CASP4: variants seen among roughly 807,000 people sequenced by gnomAD.
CASP4 encodes the protein caspase 4.
CASP4 carries 29 observed loss-of-function variants against 41.3 expected under a neutral mutation model. That is an observed-to-expected ratio of 0.70 (90% CI 0.52 to 0.96). The LOEUF is 0.96. Ranked by LOEUF, CASP4 falls within the 40% of genes least tolerant of loss-of-function variation. The probability of loss-of-function intolerance (pLI) is 0.00; values close to 1 mark genes in which losing one functional copy is unlikely to be tolerated. For missense variants in CASP4, 447 were observed against 460.6 expected (o/e 0.97, Z 0.27); for synonymous variants, 185 against 158.4 (o/e 1.17, Z -1.26).
intron 1 of CASP4, among the ~76,000 whole-genome samples, chr11:104,964,271 G>A (rs1860925301): frequency 2.0e-5 from 3 of 152,122 alleles, no homozygotes; most frequent in Admixed American, 2.0e-4. Context: ...TATTGGAATA[G>A]AGGAAAAAAA....
At chr11:104,961,851 A>G (rs1860867892) in intron 1 of CASP4, among the ~76,000 whole-genome samples, 1 of 152,162 alleles carries the variant, frequency 6.6e-6, no homozygotes, top group African/African-American at 2.4e-5. Flanking sequence ...GTTACATTCG[A>G]TGAGCCCTGG....
chr11:104,944,504 A>G (rs1198123640), intron 8 of CASP4: 2 of 434,192 alleles, frequency 4.6e-6, no homozygotes, highest in Admixed American at 4.0e-5. Flanking sequence ...GTTTTTCATC[A>G]TCACATTCTG....
intron 1 of CASP4, among the ~76,000 whole-genome samples, chr11:104,960,843 G>A (rs1050990013): frequency 6.6e-6 from 1 of 152,002 alleles, no homozygotes; most frequent in African/African-American, 2.4e-5. Flanking sequence ...TAGAATTTAT[G>A]CTCTGTGAGG....
intron 1 of CASP4, among the ~76,000 whole-genome samples, chr11:104,965,769 G>A (rs1860960766): frequency 2.6e-5 from 4 of 152,206 alleles, no homozygotes; most frequent in Admixed American, 2.6e-4. Context: ...GGGACATGCA[G>A]CCTCTGGCTC....
rs564962955 is a variant in CASP4 at position 104,959,532 on chromosome 11, A to C, written c.8-4531T>G. Reference sequence around the variant, plus strand: ...CATCCATTATATGCTTAAAAGAATAAATAAATCATTCTCAAATTTATGGAT... The same window carrying C: ...CATCCATTATATGCTTAAAAGAATACATAAATCATTCTCAAATTTATGGAT... On this transcript the variant is annotated intron_variant, in intron 1 of 8. Transcript: ENST00000444739. Among the ~76,000 whole-genome samples, 754 of 152,328 alleles carry C rather than the reference A, an allele frequency of 4.9e-3. 5 individuals are homozygous for C. Among genetic ancestry groups the C allele is most frequent in the African/African-American group, 0.016 (673 of 41,576 alleles).
chr11:104,951,861 TC>T (rs752556654), intron 3 of CASP4, 34 bp downstream of exon 3: 1 of 1,366,672 alleles, frequency 7.3e-7, no homozygotes, highest in East Asian at 2.3e-5. Flanking sequence ...TGATATCTCT[TC>T]TTTTTTTTCT....
Position 104,947,140 on chromosome 11 carries a change from G to A in CASP4, c.978C>T (p.Leu326=). The change falls in exon 7 of 9, where the codon CTC becomes CTT. Residue 326 remains leucine, a synonymous_variant. Transcript: ENST00000444739. ...AAGAATATTTCTGGAAGCATGTGATGAGTTGTGTGATGAAGATAGAGCCCA... is the reference window on the plus strand; with the variant it reads ...AAGAATATTTCTGGAAGCATGTGATAAGTTGTGTGATGAAGATAGAGCCCA... ...STMGSIFITQ[L]ITCFQKYSWC... 1 of 1,613,146 alleles carries A rather than the reference G, an allele frequency of 6.2e-7. No homozygotes were observed. Among genetic ancestry groups the A allele is most frequent in the Non-Finnish European group, 8.5e-7 (1 of 1,179,278 alleles).
In CASP4 at chr11:104,949,533, C is replaced by G; in HGVS notation, c.781+10G>C. The G allele has an allele frequency of 6.2e-7, 1 of 1,613,284 alleles. No homozygotes were observed. The highest frequency in any genetic ancestry group is 8.5e-7 in the Non-Finnish European group (1 of 1,179,298). The stretch of plus-strand genomic sequence containing the variant: ...TTCATAACTGTTAGATGTTCAGTCT[C>G]AGCACTCACCACCTCTGCAGGCCTG... On this transcript the variant is annotated intron_variant, in intron 5 of 8. Coordinates refer to ENST00000444739, the MANE Select transcript of CASP4 (RefSeq NM_001225.4).
At position 104,948,609 on chromosome 11, in the gene CASP4, A is replaced by C. The variant is rs1477367513; in HGVS notation, c.849T>G (p.Ser283=). The C allele has an allele frequency of 1.2e-6, 2 of 1,611,540 alleles. No individual in the cohort carries two copies. The highest frequency in any genetic ancestry group is 1.7e-6 in the Non-Finnish European group (2 of 1,178,478). ...AAACAGCATCTTCCTCTAGGTTCTC[A>C]GATGACTGTGAAGAGGCCACTTCCA... is the stretch of plus-strand genomic sequence containing the variant. ...ASLEVASSQS[S]ENLEEDAVYK... is the part of the protein sequence containing the mutation. Residue 283 remains serine, a synonymous_variant, in exon 6 of 9, where the codon TCT becomes TCG. Transcript: ENST00000444739.
chr11:104,948,700 A>C (rs761694535), intron 5 of CASP4, 24 bp from the exon 6 acceptor site: 5 of 1,568,990 alleles, frequency 3.2e-6, no homozygotes, highest in Non-Finnish European at 4.3e-6. Flanking sequence ...AACTTTCTGC[A>C]CACTGCTGTG....
chr11:104,945,493 T>C (rs1008358244), intron 7 of CASP4, among the ~76,000 whole-genome samples: 2 of 152,028 alleles, frequency 1.3e-5, no homozygotes, highest in Non-Finnish European at 2.9e-5. Flanking sequence ...CCTGACCTCA[T>C]GATCCTCCTG....
At chr11:104,944,033 G>A (rs1446230748) in intron 8 of CASP4, 1 of 152,038 alleles carries the variant, frequency 6.6e-6, no homozygotes, top group Non-Finnish European at 1.5e-5. Flanking sequence ...TAATATTTTG[G>A]TCAAAATAAT....
chr11:104,943,952 T>C (rs1860386914), intron 8 of CASP4: 1 of 152,226 alleles, frequency 6.6e-6, no homozygotes, highest in South Asian at 2.1e-4. Context: ...AGTCTTATAG[T>C]CTAGTGTTAA....
At chr11:104,959,726 C>T (rs1268539077) in intron 1 of CASP4, among the ~76,000 whole-genome samples, 1 of 152,074 alleles carries the variant, frequency 6.6e-6, no homozygotes, top group Non-Finnish European at 1.5e-5. Context: ...AATACCTATA[C>T]TCCAAGTACA....
At chr11:104,947,224 T>G in intron 6 of CASP4, 32 bp from the exon 7 acceptor site, 1 of 1,275,718 alleles carries the variant, frequency 7.8e-7, no homozygotes, top group East Asian at 2.4e-5. Context: ...TGCCTTGGGC[T>G]ATGACTTTCA....
At chr11:104,959,689 C>T (rs1860815249) in intron 1 of CASP4, among the ~76,000 whole-genome samples, 1 of 152,104 alleles carries the variant, frequency 6.6e-6, no homozygotes, top group African/African-American at 2.4e-5. Flanking sequence ...TTCCATCCTT[C>T]ATTCTCTTTT....
At chr11:104,958,893 G>A (rs1261407165) in intron 1 of CASP4, among the ~76,000 whole-genome samples, 1 of 148,608 alleles carries the variant, frequency 6.7e-6, no homozygotes, top group African/African-American at 2.5e-5. Context: ...CCCTAGAGGC[G>A]GAGGTTGCAG....
chr11:104,950,103 G>A (rs1444069801), intron 4 of CASP4, among the ~76,000 whole-genome samples: 2 of 152,074 alleles, frequency 1.3e-5, no homozygotes, highest in African/African-American at 4.8e-5. Flanking sequence ...AACACACCAT[G>A]TTCTTTGTAA....
intron 1 of CASP4, chr11:104,956,748 C>T (rs1302627262): frequency 2.3e-6 from 1 of 442,834 alleles, no homozygotes; most frequent in East Asian, 1.6e-4. Flanking sequence ...ACAGATGTTG[C>T]AACACAGTGT....
Sources: gnomAD v4.1 joint callset for allele counts (sites outside exome capture counted in the v4.1 genomes callset) on GRCh38, gnomAD v4.1.1 for gene constraint, MANE v1.5 for transcripts, NCBI Gene and HGNC (gene_info 2026-07-23, HGNC 2026-07-21) for gene names.